Variants in ITGBL1 observed in about 807,000 individuals in gnomAD.
ITGBL1 encodes integrin beta-like protein 1.
In ITGBL1, 51 loss-of-function variants were observed where a neutral mutation model predicts 68.5. The observed-to-expected ratio is 0.74, with a 90% CI of 0.59 to 0.94. ITGBL1 has a LOEUF of 0.94. Ranked by LOEUF, ITGBL1 falls within the 40% of genes least tolerant of loss-of-function variation. ITGBL1 has a pLI of 0.00. For synonymous variants in ITGBL1, 209 were observed against 227.3 expected, an observed-to-expected ratio of 0.92 and a Z score of 0.72; for missense variants, 649 against 647.4, an observed-to-expected ratio of 1.00 and a Z score of -0.03.
chr13:101,486,719 G>T (rs546318957), intron 2 of ITGBL1, among the ~76,000 whole-genome samples: 2 of 152,130 alleles, frequency 1.3e-5, no homozygotes, highest in African/African-American at 4.8e-5. Context: ...GTCATGTTTA[G>T]TATTGTAAAT....
chr13:101,468,155 C>G (rs2048408960), intron 2 of ITGBL1, among the ~76,000 whole-genome samples: 1 of 152,110 alleles, frequency 6.6e-6, no homozygotes, highest in African/African-American at 2.4e-5. Context: ...ATACAAAAGA[C>G]AAGTTATAGA....
At chr13:101,557,106 A>G (rs1022939282) in intron 2 of ITGBL1, among the ~76,000 whole-genome samples, 1 of 152,228 alleles carries the variant, frequency 6.6e-6, no homozygotes, top group Non-Finnish European at 1.5e-5. Context: ...CTGCTGGGGC[A>G]TGAGGAATAA....
chr13:101,474,333 C>G (rs1219180642), intron 2 of ITGBL1, among the ~76,000 whole-genome samples: 3 of 152,054 alleles, frequency 2.0e-5, no homozygotes, highest in Admixed American at 2.0e-4. Context: ...CTCTTTCTGA[C>G]TGAGGAAAGG....
intron 7 of ITGBL1, among the ~76,000 whole-genome samples, chr13:101,640,557 C>T (rs141568916): frequency 1.9e-3 from 289 of 152,226 alleles, no homozygotes; most frequent in South Asian, 4.6e-3. Flanking sequence ...TACAGAAGAA[C>T]GCACACTTTT....
chr13:101,678,507 T>C (rs1314267830), intron 7 of ITGBL1, among the ~76,000 whole-genome samples: 1 of 151,642 alleles, frequency 6.6e-6, no homozygotes, highest in African/African-American at 2.4e-5. Context: ...TGAGACTTTT[T>C]TTTTTTTTTT....
At chr13:101,556,658 A>G (rs2050012131) in intron 2 of ITGBL1, among the ~76,000 whole-genome samples, 1 of 152,058 alleles carries the variant, frequency 6.6e-6, no homozygotes, top group Non-Finnish European at 1.5e-5. Flanking sequence ...AGAAGAAAAG[A>G]GACACAGAGA....
intron 2 of ITGBL1, among the ~76,000 whole-genome samples, chr13:101,507,403 T>A (rs2139100611): frequency 6.6e-6 from 1 of 152,196 alleles, no homozygotes; most frequent in East Asian, 1.9e-4. Flanking sequence ...TTTTTGTGAT[T>A]GTGTTGAACA....
intron 2 of ITGBL1, among the ~76,000 whole-genome samples, chr13:101,557,826 C>T (rs979490123): frequency 3.3e-5 from 5 of 152,136 alleles, no homozygotes; most frequent in South Asian, 2.1e-4. Context: ...CACGGTGGCT[C>T]ATGCCTGTAA....
intron 7 of ITGBL1, among the ~76,000 whole-genome samples, chr13:101,671,284 ATAAC>A (rs1459224854): frequency 6.6e-6 from 1 of 152,192 alleles, no homozygotes; most frequent in African/African-American, 2.4e-5. Context: ...ATGAAGTGAA[ATAAC>A]TAACAAAGAT....
In ITGBL1 at chr13:101,453,946, T is replaced by TA; in HGVS notation, c.162_163insA (p.Gly55ArgfsTer26). The stretch of plus-strand genomic sequence containing the variant: ...AGTCGGAGCGACGCTGCCGCGCACC[T>TA]GGGCAGCCCCCGGGGGCCGCGCTGT... On this transcript the variant is annotated frameshift_variant, in exon 2 of 11. Coordinates refer to ENST00000376180, the MANE Select transcript of ITGBL1 (RefSeq NM_004791.3). LOFTEE classifies it high-confidence loss of function. 1 of 1,464,268 alleles carries TA rather than the reference T, an allele frequency of 6.8e-7. No homozygotes were observed. Among genetic ancestry groups the TA allele is most frequent in the Admixed American group, 2.3e-5 (1 of 43,270 alleles). 90.7% of individuals were successfully genotyped at this position (1,464,268 alleles called of 1,614,324 possible). A position where few individuals can be genotyped will look rare whatever the true frequency, so the allele number is the denominator to read the frequency against.
chr13:101,689,211 T>TAAAAAAAAAAAAAAAACAA (rs2033825298), intron 7 of ITGBL1, among the ~76,000 whole-genome samples: 1 of 74,868 alleles, frequency 1.3e-5, no homozygotes. Context: ...AGACTCTGCC[T>TAAAAAAAAAAAAAAAACAA]AAAAAAAAAA....
chr13:101,517,406 G>T (rs192503296), intron 2 of ITGBL1, among the ~76,000 whole-genome samples: 15 of 152,242 alleles, frequency 9.9e-5, no homozygotes, highest in African/African-American at 3.6e-4. Context: ...AATTGTGACT[G>T]CACGTTACGC....
In ITGBL1 at chr13:101,468,128, G is replaced by A. The variant is rs527267098; in HGVS notation, c.316+14028G>A. 2.6e-5 allele frequency among the ~76,000 whole-genome samples: 4 copies of A among 152,214 alleles called. No homozygotes were observed. In the South Asian group the frequency reaches 8.3e-4, roughly 32 times the overall value. On this transcript the variant is annotated intron_variant, in intron 2 of 10. Transcript: ENST00000376180. ...TAAACAAAGTGACTTGGCCATTTAAGCAGTTTCCTCTCCAAAATACAAAAG... is the reference window on the plus strand; with the variant it reads ...TAAACAAAGTGACTTGGCCATTTAAACAGTTTCCTCTCCAAAATACAAAAG...
chr13:101,713,325 C>T (rs537993058), intron 9 of ITGBL1: 1 of 152,266 alleles, frequency 6.6e-6, no homozygotes, highest in Non-Finnish European at 1.5e-5. Context: ...TTAAAAGAAG[C>T]ACTAATGATT....
intron 7 of ITGBL1, among the ~76,000 whole-genome samples, chr13:101,605,301 T>TATAC (rs2030708519): frequency 7.9e-6 from 1 of 127,044 alleles, no homozygotes; most frequent in Admixed American, 8.5e-5. Context: ...TATACACATA[T>TATAC]ATAGGCATGT....
rs147402893 is a variant in ITGBL1 at position 101,590,972 on chromosome 13, C to T, written c.869-7181C>T. On this transcript the variant is annotated intron_variant, in intron 6 of 10. Coordinates refer to ENST00000376180, the MANE Select transcript of ITGBL1 (RefSeq NM_004791.3). ...AGGCTGGCGTGCAGTGGCACAGTCT[C>T]GGCTCACTGCAACCTCCGCCTCCTG... 9.0e-3 allele frequency among the ~76,000 whole-genome samples: 1,366 copies of T among 152,040 alleles called. 22 individuals carry two copies. The highest frequency in any genetic ancestry group is 0.031 in the African/African-American group (1,290 of 41,460).
chr13:101,613,863 T>G (rs1389022144), intron 7 of ITGBL1, among the ~76,000 whole-genome samples: 1 of 152,142 alleles, frequency 6.6e-6, no homozygotes, highest in Non-Finnish European at 1.5e-5. Flanking sequence ...GACTCACCAC[T>G]CTGCAGGGTT....
At chr13:101,717,614 G>A (rs979691718), downstream of ITGBL1, 1 of 152,042 alleles carries the variant, frequency 6.6e-6, no homozygotes, top group East Asian at 1.9e-4. Flanking sequence ...CTCCTATTAA[G>A]GATCAGAAAG....
At chr13:101,641,532 TTTTA>T (rs1356813889) in intron 7 of ITGBL1, among the ~76,000 whole-genome samples, 3 of 149,500 alleles carry the variant, frequency 2.0e-5, no homozygotes, top group East Asian at 3.9e-4. Flanking sequence ...TTTTATTTTA[TTTTA>T]TTTTATTTAT....
Sources: gnomAD v4.1 joint callset for allele counts (sites outside exome capture counted in the v4.1 genomes callset) on GRCh38, gnomAD v4.1.1 for gene constraint, MANE v1.5 for transcripts, NCBI Gene and HGNC (gene_info 2026-07-23, HGNC 2026-07-21) for gene names.